The following UCHL1 variants were observed in gnomAD, a reference collection of about 807,000 sequenced individuals.
The protein encoded by UCHL1 is ubiquitin carboxyl-terminal hydrolase isozyme L1.
In UCHL1, 5 loss-of-function variants were observed where a neutral mutation model predicts 33.3. That is an observed-to-expected ratio of 0.15 (90% CI 0.08 to 0.32). The LOEUF is 0.32. UCHL1 is among the 10% of genes least tolerant of loss of function. The pLI, the probability that UCHL1 is intolerant of heterozygous loss-of-function variation, is 1.00. For synonymous variants in UCHL1, 132 were observed against 108.8 expected, an observed-to-expected ratio of 1.21 and a Z score of -1.33; for missense variants, 236 against 280.0, an observed-to-expected ratio of 0.84 and a Z score of 1.12.
In UCHL1 at chr4:41,263,281, C is replaced by T. The variant is rs763513865; in HGVS notation, c.516C>T (p.Leu172=). The change falls in exon 7 of 9, where the codon CTC becomes CTT. Residue 172 remains leucine, a synonymous_variant. Transcript: ENST00000284440. ...TGTTTAACAACGTGGATGGCCACCTCTATGAACTTGGTATGTTTTACTCCA... is the reference window on the plus strand; with the variant it reads ...TGTTTAACAACGTGGATGGCCACCTTTATGAACTTGGTATGTTTTACTCCA... ...FILFNNVDGH[L]YELDGRMPFP... 2 of 1,614,028 alleles carry T rather than the reference C, an allele frequency of 1.2e-6. No homozygotes were observed. The highest frequency in any genetic ancestry group is 1.7e-6 in the Non-Finnish European group (2 of 1,179,948).
chr4:41,258,059 G>A (rs1781012186), intron 3 of UCHL1, among the ~76,000 whole-genome samples: 1 of 152,200 alleles, frequency 6.6e-6, no homozygotes, highest in African/African-American at 2.4e-5. Flanking sequence ...TCGAGCCTCC[G>A]GTTCCGGGGA....
chr4:41,257,148 C>T, intron 2 of UCHL1, 22 bp downstream of exon 2: 1 of 1,612,034 alleles, frequency 6.2e-7, no homozygotes. Context: ...CTCGCGCCGT[C>T]TCTGGCCCCC....
intron 6 of UCHL1, among the ~76,000 whole-genome samples, chr4:41,262,859 C>T (rs1781094826): frequency 6.6e-6 from 1 of 152,174 alleles, no homozygotes; most frequent in South Asian, 2.1e-4. Context: ...CTGCCTGCCT[C>T]AGCCTCCCAA....
intron 7 of UCHL1, among the ~76,000 whole-genome samples, chr4:41,263,495 A>G (rs569364205): frequency 2.0e-5 from 3 of 149,984 alleles, no homozygotes; most frequent in East Asian, 3.9e-4. Context: ...ATCCCCTAGT[A>G]TCATCCTTTC....
intron 4 of UCHL1, among the ~76,000 whole-genome samples, chr4:41,261,357 T>C (rs761456149): frequency 3.9e-5 from 6 of 152,172 alleles, no homozygotes; most frequent in Admixed American, 2.0e-4. Context: ...GCCCCGGCTT[T>C]TATGGTGCTA....
chr4:41,257,299 C>T, intron 2 of UCHL1, 173 bp downstream of exon 2: 1 of 1,147,552 alleles, frequency 8.7e-7, no homozygotes, highest in Non-Finnish European at 1.2e-6. Context: ...TAGCGGGTGA[C>T]TCTACGAAAC....
intron 3 of UCHL1, among the ~76,000 whole-genome samples, chr4:41,257,990 T>TCC (rs1346537336): frequency 6.6e-6 from 1 of 152,230 alleles, no homozygotes; most frequent in Admixed American, 6.5e-5. Context: ...GTTCCATCTA[T>TCC]CCCGTTATCC....
intron 8 of UCHL1, 49 bp from the exon 9 acceptor site, chr4:41,267,938 C>A (rs1358310894): frequency 3.2e-6 from 5 of 1,547,666 alleles, no homozygotes; most frequent in Non-Finnish European, 4.4e-6. Context: ...ATGTGACTTT[C>A]ATTTTGAGCT....
intron 3 of UCHL1, 111 bp downstream of exon 3, chr4:41,257,848 G>A: frequency 7.0e-7 from 1 of 1,433,882 alleles, no homozygotes; most frequent in Non-Finnish European, 9.2e-7. Context: ...GATGCGGGGC[G>A]CGCCTACAAG....
intron 8 of UCHL1, among the ~76,000 whole-genome samples, chr4:41,266,235 T>G (rs997785963): frequency 7.7e-4 from 117 of 151,648 alleles, no homozygotes; most frequent in Admixed American, 3.5e-3. Flanking sequence ...ACTTTTTTTT[T>G]TTTTTTTTTT....
At chr4:41,259,086 T>C (rs1482456305) in intron 3 of UCHL1, among the ~76,000 whole-genome samples, 1 of 152,230 alleles carries the variant, frequency 6.6e-6, no homozygotes, top group African/African-American at 2.4e-5. Flanking sequence ...GAGAACATTC[T>C]AGTTTGTGTT....
intron 3 of UCHL1, 149 bp from the exon 4 acceptor site, chr4:41,260,498 C>T: frequency 2.1e-6 from 2 of 953,564 alleles, no homozygotes; most frequent in Non-Finnish European, 3.2e-6. Context: ...GACAGACGGG[C>T]CCTTCTCTGG....
At chr4:41,267,912 C>CT in intron 8 of UCHL1, 75 bp from the exon 9 acceptor site, 1 of 1,341,214 alleles carries the variant, frequency 7.5e-7, no homozygotes, top group Non-Finnish European at 1.1e-6. Context: ...ATTAATAGAC[C>CT]TTGGAGCCTT....
chr4:41,259,672 A>G (rs1190159143), intron 3 of UCHL1, among the ~76,000 whole-genome samples: 17 of 152,212 alleles, frequency 1.1e-4, no homozygotes, highest in Admixed American at 7.9e-4. Context: ...CAGTGTTTCT[A>G]TAGTGTTAGT....
At chr4:41,267,212 T>C (rs922706488) in intron 8 of UCHL1, among the ~76,000 whole-genome samples, 15 of 144,020 alleles carry the variant, frequency 1.0e-4, no homozygotes, top group African/African-American at 3.9e-4. Flanking sequence ...ACCTAGAATA[T>C]CAGGTAAACG....
At chr4:41,258,089 T>G (rs1781012780) in intron 3 of UCHL1, among the ~76,000 whole-genome samples, 1 of 152,236 alleles carries the variant, frequency 6.6e-6, no homozygotes. Context: ...GGTTTCCCTT[T>G]AAGGGCTATA....
rs544901428 is a variant in UCHL1, at chr4:41,264,180, C to G, written c.585+19C>G. The G allele has an allele frequency of 6.2e-7, 1 of 1,614,154 alleles. No individual in the cohort carries two copies. Among genetic ancestry groups the G allele is most frequent in the Non-Finnish European group, 8.5e-7 (1 of 1,179,958 alleles). On this transcript the variant is annotated intron_variant, in intron 8 of 8. Transcript: ENST00000284440. ...GCTGAAGGTCATCTTTGGAATGCATCTCTTCTTAATGTGCCTCACAATTCT... is the reference window on the plus strand; with the variant it reads ...GCTGAAGGTCATCTTTGGAATGCATGTCTTCTTAATGTGCCTCACAATTCT...
chr4:41,264,786 A>G (rs10005744), intron 8 of UCHL1, among the ~76,000 whole-genome samples: 2,730 of 152,286 alleles, frequency 0.018, 54 homozygotes, highest in East Asian at 0.11. Flanking sequence ...TCAATTTGCT[A>G]TTATAAAGGA....
chr4:41,267,687 C>G (rs1261188393), intron 8 of UCHL1, among the ~76,000 whole-genome samples: 2 of 152,078 alleles, frequency 1.3e-5, no homozygotes, highest in African/African-American at 4.8e-5. Flanking sequence ...AAATAACGTT[C>G]ATAGTTGTGT....
Sources: gnomAD v4.1 joint callset for allele counts (sites outside exome capture counted in the v4.1 genomes callset) on GRCh38, gnomAD v4.1.1 for gene constraint, MANE v1.5 for transcripts, NCBI Gene and HGNC (gene_info 2026-07-23, HGNC 2026-07-21) for gene names.